Variants in CDH23 observed in about 807,000 individuals in gnomAD.
CDH23 encodes the protein cadherin related 23, also known as cadherin-23.
Under a neutral mutation model 317.1 loss-of-function variants are expected in CDH23, and 189 were observed. The observed-to-expected ratio is 0.60, with a 90% CI of 0.53 to 0.67. The LOEUF (loss-of-function observed/expected upper bound fraction) is 0.67, where lower values mean the gene tolerates loss of function less well. Ranked by LOEUF, CDH23 falls within the 30% of genes least tolerant of loss-of-function variation. CDH23 has a pLI of 0.00. For synonymous variants in CDH23, 1,839 were observed against 1,876.8 expected (o/e 0.98, Z 0.52); for missense variants, 4,401 against 4,592.4 (o/e 0.96, Z 1.20).
intron 3 of CDH23, among the ~76,000 whole-genome samples, chr10:71,489,716 G>A (rs1852548050): frequency 2.6e-5 from 4 of 151,890 alleles, no homozygotes; most frequent in African/African-American, 9.7e-5. Context: ...AGTTCCTCCA[G>A]AGGGAATTTG....
intron 14 of CDH23, among the ~76,000 whole-genome samples, chr10:71,650,031 T>C (rs1863091316): frequency 6.6e-6 from 1 of 152,192 alleles, no homozygotes; most frequent in Non-Finnish European, 1.5e-5. Flanking sequence ...CTGAGCCTAG[T>C]CCTTTCAGCA....
chr10:71,441,868 A>G (rs1849903874), intron 2 of CDH23, among the ~76,000 whole-genome samples: 1 of 152,234 alleles, frequency 6.6e-6, no homozygotes, highest in Admixed American at 6.5e-5. Context: ...GAGGACAAGA[A>G]CAGAGTGTAT....
At chr10:71,479,047 G>A (rs556932947) in intron 3 of CDH23, among the ~76,000 whole-genome samples, 104 of 152,260 alleles carry the variant, frequency 6.8e-4, no homozygotes, top group Non-Finnish European at 1.0e-3. Context: ...GGACTTCCAC[G>A]TATGGTTCTT....
chr10:71,517,049 A>G (rs1322021293), intron 6 of CDH23, among the ~76,000 whole-genome samples: 1 of 152,214 alleles, frequency 6.6e-6, no homozygotes, highest in Non-Finnish European at 1.5e-5. Flanking sequence ...GACTGTGCTC[A>G]GTGTCTTTTG....
intron 69 of CDH23, 54 bp from the exon 70 acceptor site, chr10:71,814,898 C>T: frequency 6.6e-7 from 1 of 1,525,324 alleles, no homozygotes; most frequent in Non-Finnish European, 8.8e-7. Flanking sequence ...GGCCATCCAC[C>T]TGCTCACCCC....
rs9415051 is a variant in CDH23, at chr10:71,807,021, G to A, written c.8179-256G>A. ...AGTGTGAGTGCATACACATGCATGT[G>A]CATATAAGAGTAACGTGTGTGCTTC... On this transcript the variant is annotated intron_variant, in intron 57 of 69. Coordinates refer to ENST00000224721, the MANE Select transcript of CDH23 (RefSeq NM_022124.6). 0.39 allele frequency among the ~76,000 whole-genome samples: 59,633 copies of A among 152,176 alleles called. 12,300 individuals are homozygous for A. Among genetic ancestry groups the A allele is most frequent in the Middle Eastern group, 0.49 (145 of 294 alleles).
chr10:71,615,976 G>GC (rs768146429), intron 10 of CDH23, among the ~76,000 whole-genome samples: 7 of 152,322 alleles, frequency 4.6e-5, no homozygotes, highest in Non-Finnish European at 1.5e-5. Flanking sequence ...TCTGGAATTT[G>GC]CCCCATTTCT....
Position 71,702,190 on chromosome 10 carries a change from A to G in CDH23, c.2566A>G (p.Ile856Val), listed in dbSNP as rs776546212. The G allele has an allele frequency of 1.9e-6, 3 of 1,613,618 alleles. No individual in the cohort carries two copies. Among genetic ancestry groups the G allele is most frequent in the South Asian group, 2.2e-5 (2 of 91,072 alleles). ...CCATGAGGCCGAGCTGATGCGCAAA[A>G]TCGTCGTCTCTGTTACTGACTGTAT... ...DPHEAELMRKIVVSVTDCGRP... is the reference protein window; with the variant it reads ...DPHEAELMRKVVVSVTDCGRP... Residue 856 changes from isoleucine to valine, a missense_variant, in exon 23 of 70, where the codon ATC (isoleucine) becomes GTC (valine). Ile to Val is a conservative substitution (Grantham distance 29, BLOSUM62 3). Transcript: ENST00000224721.
chr10:71,796,210 C>A, intron 48 of CDH23: 2 of 557,052 alleles, frequency 3.6e-6, no homozygotes, highest in Non-Finnish European at 4.6e-6. Context: ...GGGATGAAGC[C>A]AATGGGAGGA....
intron 3 of CDH23, among the ~76,000 whole-genome samples, chr10:71,482,887 A>C (rs1230585685): frequency 6.6e-6 from 1 of 152,132 alleles, no homozygotes; most frequent in East Asian, 1.9e-4. Flanking sequence ...GCCATCCTGA[A>C]GTGTTTCCAG....
intron 7 of CDH23, among the ~76,000 whole-genome samples, chr10:71,569,898 T>C (rs1176224247): frequency 6.6e-6 from 1 of 151,574 alleles, no homozygotes; most frequent in African/African-American, 2.4e-5. Flanking sequence ...AAAAAAAAAT[T>C]TTTTTTTTGA....
intron 9 of CDH23, among the ~76,000 whole-genome samples, chr10:71,597,473 TC>T (rs1859936262): frequency 6.6e-6 from 1 of 151,976 alleles, no homozygotes; most frequent in African/African-American, 2.4e-5. Flanking sequence ...CCCCACCTCA[TC>T]CGCCCTGAAG....
At chr10:71,669,637 T>C (rs1159474267) in intron 14 of CDH23, among the ~76,000 whole-genome samples, 1 of 152,076 alleles carries the variant, frequency 6.6e-6, no homozygotes, top group Admixed American at 6.5e-5. Context: ...TAATAGAGAC[T>C]GGGTTTCACC....
intron 6 of CDH23, among the ~76,000 whole-genome samples, chr10:71,566,055 G>A (rs1225544246): frequency 6.6e-6 from 1 of 152,192 alleles, no homozygotes; most frequent in East Asian, 1.9e-4. Flanking sequence ...AAATGTGAAG[G>A]GGGAGACGGG....
chr10:71,721,667 C>T (rs147801971), intron 28 of CDH23, among the ~76,000 whole-genome samples: 1 of 152,342 alleles, frequency 6.6e-6, no homozygotes, highest in East Asian at 1.9e-4. Context: ...TCCTTAGACA[C>T]ACTTACCGCA....
At chr10:71,533,558 C>CACAG (rs1202081188) in intron 6 of CDH23, among the ~76,000 whole-genome samples, 1 of 151,500 alleles carries the variant, frequency 6.6e-6, no homozygotes, top group African/African-American at 2.4e-5. Context: ...CACACACACA[C>CACAG]ACACACACAC....
chr10:71,760,907 T>C (rs1419843992), intron 38 of CDH23: 1 of 1,613,702 alleles, frequency 6.2e-7, no homozygotes, highest in Non-Finnish European at 8.5e-7. Flanking sequence ...ACCACACAGT[T>C]GGATGGTGCA....
Position 71,702,185 on chromosome 10 carries a change from G to A in CDH23, c.2561G>A (p.Arg854His), listed in dbSNP as rs1283888780. ...NPDPHEAELM[R>H]KIVVSVTDCG... ...GACCCCCATGAGGCCGAGCTGATGC[G>A]CAAAATCGTCGTCTCTGTTACTGAC... Residue 854 changes from arginine to histidine, a missense_variant, in exon 23 of 70, where the codon CGC (arginine) becomes CAC (histidine). Physicochemically the swap from Arg to His is conservative, Grantham distance 29 (BLOSUM62 0). Around this residue, in one of 3 missense-constraint regions of CDH23, gnomAD observed 3,068 missense variants for 3,203.3 expected, o/e 0.96. Transcript: ENST00000224721. 17 of 1,613,670 alleles carry A rather than the reference G, an allele frequency of 1.1e-5. No homozygotes were observed. Among genetic ancestry groups the A allele is most frequent in the Middle Eastern group, 1.6e-4 (1 of 6,082 alleles).
intron 6 of CDH23, among the ~76,000 whole-genome samples, chr10:71,536,127 C>G (rs985319168): frequency 6.6e-6 from 1 of 152,260 alleles, no homozygotes; most frequent in African/African-American, 2.4e-5. Context: ...GAAAGGGAAC[C>G]AAACATAGAA....
Sources: gnomAD v4.1 joint callset for allele counts (sites outside exome capture counted in the v4.1 genomes callset) on GRCh38, gnomAD v4.1.1 for gene constraint, gnomAD v4.1.1 regional missense constraint, MANE v1.5 for transcripts, NCBI Gene and HGNC (gene_info 2026-07-23, HGNC 2026-07-21) for gene names.